The following MEN1 variants were observed in gnomAD, a reference collection of about 807,000 sequenced individuals.
MEN1 encodes the protein menin.
Under a neutral mutation model 58.0 loss-of-function variants are expected in MEN1, and 6 were observed. That is an observed-to-expected ratio of 0.10 (90% confidence interval 0.06 to 0.20). MEN1 has a LOEUF of 0.20. Among genes scored for constraint, MEN1 ranks in the 10% least tolerant of loss-of-function variants. MEN1 has a pLI of 1.00. For missense variants in MEN1, 492 were observed against 818.5 expected (o/e 0.60, Z 4.87); for synonymous variants, 346 against 350.7 (o/e 0.99, Z 0.15).
intron 2 of MEN1, among the ~76,000 whole-genome samples, chr11:64,809,156 C>CT (rs1394790305): frequency 2.0e-5 from 3 of 149,446 alleles, no homozygotes; most frequent in Admixed American, 6.8e-5. Flanking sequence ...CTCAGCTACT[C>CT]AGGAGGCTGA....
At chr11:64,805,943 G>A (rs1565643041) in intron 7 of MEN1, 173 bp from the exon 8 acceptor site, 1 of 719,926 alleles carries the variant, frequency 1.4e-6, no homozygotes, top group Non-Finnish European at 2.4e-6. Context: ...ATGAGGAGGG[G>A]GGCATGGGGC....
chr11:64,810,293 A>AC lies in MEN1; in HGVS notation c.-23-162dup, dbSNP rs1451152601. The AC allele has an allele frequency of 8.9e-5, 54 of 606,886 alleles. No homozygotes were observed. In the East Asian group the frequency reaches 1.5e-3, roughly 17 times the overall value. The allele number at this position is 606,886 out of a possible 1,614,324, so 37.6% of individuals were successfully genotyped here. ...CGGCTTCCCCTCTTTTGTCGGTGAG[A>AC]CCCCTCAGCCGAGACTGCAGAGCCT... On this transcript the variant is annotated intron_variant, in intron 1 of 9. Coordinates refer to ENST00000450708, the MANE Select transcript of MEN1 (RefSeq NM_001370259.2).
chr11:64,804,008 C>T lies in MEN1; in HGVS notation c.*326G>A, dbSNP rs1043117142. 7 of 455,028 alleles carry T rather than the reference C, an allele frequency of 1.5e-5. No individual in the cohort carries two copies. The highest frequency in any genetic ancestry group is 1.4e-4 in the African/African-American group (7 of 51,466). 28.2% of individuals were successfully genotyped at this position (455,028 alleles called of 1,614,324 possible). A position where few individuals can be genotyped will look rare whatever the true frequency, so the allele number is the denominator to read the frequency against. Reference sequence around the variant, plus strand: ...GGAGCCCTGAGTAACGTTGGTCTGGCTCTAGGTGAGCGGTTCCGAGGAGGA... The same window carrying T: ...GGAGCCCTGAGTAACGTTGGTCTGGTTCTAGGTGAGCGGTTCCGAGGAGGA... On this transcript the variant is annotated 3_prime_UTR_variant, in exon 10 of 10. Transcript: ENST00000450708. The surrounding 1 kb of genome is among the most constrained non-coding windows in gnomAD (Gnocchi z 4.2).
Position 64,804,876 on chromosome 11 carries a change from G to A in MEN1, c.1351-60C>T. On this transcript the variant is annotated intron_variant, in intron 9 of 9. Transcript: ENST00000450708. The surrounding 1 kb of genome is among the most constrained non-coding windows in gnomAD (Gnocchi z 4.2). ...TTGCCGGCCAGTGGCTGGAACTCCA[G>A]GACCCTGCTCTGGCCATCCCATCCC... 2 of 1,595,882 alleles carry A rather than the reference G, an allele frequency of 1.3e-6. No homozygotes were observed. The highest frequency in any genetic ancestry group is 1.7e-6 in the Non-Finnish European group (2 of 1,178,426).
In MEN1 at chr11:64,807,869, G is replaced by A. The variant is rs1941845164; in HGVS notation, c.654+22C>T. ...GGCTACTACAGTATGAAGGGGACAA[G>A]GCTGGGGGGAGGGAACAATACCCGC... On this transcript the variant is annotated intron_variant, in intron 3 of 9. Transcript: ENST00000450708. This position sits in a 1 kb window ranked among gnomAD's most constrained non-coding sequence, Gnocchi z 4.9. 6.2e-7 allele frequency: 1 copy of A among 1,613,724 alleles called. No individual in the cohort carries two copies. Among genetic ancestry groups the A allele is most frequent in the Non-Finnish European group, 8.5e-7 (1 of 1,179,756 alleles).
In MEN1 at chr11:64,804,169, G is replaced by C; in HGVS notation, c.*165C>G. ...GGGCAGAGCCCTGGGTTCTGAGCTG[G>C]AGAAAATCGTGGGTTTGATACAGAC... On this transcript the variant is annotated 3_prime_UTR_variant, in exon 10 of 10. Coordinates refer to ENST00000450708, the MANE Select transcript of MEN1 (RefSeq NM_001370259.2). This position sits in a 1 kb window ranked among gnomAD's most constrained non-coding sequence, Gnocchi z 4.2. 1.2e-6 allele frequency: 1 copy of C among 845,970 alleles called. No homozygotes were observed. The highest frequency in any genetic ancestry group is 1.9e-6 in the Non-Finnish European group (1 of 518,442). The allele number at this position is 845,970 out of a possible 1,614,324, so 52.4% of individuals were successfully genotyped here. A position where few individuals can be genotyped will look rare whatever the true frequency, so the allele number is the denominator to read the frequency against.
At position 64,807,620 on chromosome 11, in the gene MEN1, T is replaced by A; in HGVS notation, c.715A>T (p.Met239Leu). Residue 239 changes from methionine (M) to leucine (L), a missense_variant, in exon 4 of 10, where the codon ATG becomes TTG. By Grantham distance (15) the Met-to-Leu change is conservative. Coordinates refer to ENST00000450708, the MANE Select transcript of MEN1 (RefSeq NM_001370259.2). This position sits in a 1 kb window ranked among gnomAD's most constrained non-coding sequence, Gnocchi z 4.9. ...ATGGAAGGGTTGATGGCACACACCATGAACGCCACCTCCATCTTGCGGTCA... is the reference window on the plus strand; with the variant it reads ...ATGGAAGGGTTGATGGCACACACCAAGAACGCCACCTCCATCTTGCGGTCA... ...RCDRKMEVAF[M>L]VCAINPSIDL... 6.2e-7 allele frequency: 1 copy of A among 1,614,168 alleles called. No homozygotes were observed. Among genetic ancestry groups the A allele is most frequent in the Non-Finnish European group, 8.5e-7 (1 of 1,180,034 alleles).
chr11:64,809,283 A>AT (rs34980535), intron 2 of MEN1, among the ~76,000 whole-genome samples: 13 of 150,424 alleles, frequency 8.6e-5, no homozygotes, highest in Admixed American at 6.0e-4. Context: ...AAAAAAAAAA[A>AT]TCTTCATAGC....
Position 64,810,512 on chromosome 11 carries a change from A to C in MEN1, c.-24+2T>G. 1 of 190,964 alleles carries C rather than the reference A, an allele frequency of 5.2e-6. No individual in the cohort carries two copies. The highest frequency in any genetic ancestry group is 1.1e-5 in the Non-Finnish European group (1 of 90,908). 11.8% of individuals were successfully genotyped at this position (190,964 alleles called of 1,614,324 possible). A position where few individuals can be genotyped will look rare whatever the true frequency, so the allele number is the denominator to read the frequency against. On this transcript the variant is annotated splice_donor_variant, in intron 1 of 9. Coordinates refer to ENST00000450708, the MANE Select transcript of MEN1 (RefSeq NM_001370259.2). LOFTEE classifies it low-confidence loss of function (5UTR_SPLICE). The stretch of plus-strand genomic sequence containing the variant: ...GTCCTGGCCTCGGTCCCCCTCGCCC[A>C]CCTCCGCGCTTACATCCCACACTAG...
In MEN1 at chr11:64,804,940, G is replaced by A. The variant is rs1941590956; in HGVS notation, c.1350+94C>T. ...CAGTCCCATCGGCACCCAAGGGGAT[G>A]GGCAGATGCTGCCCCTGGGCCAGAA... On this transcript the variant is annotated intron_variant, in intron 9 of 9. Transcript: ENST00000450708. This position sits in a 1 kb window ranked among gnomAD's most constrained non-coding sequence, Gnocchi z 4.2. 4.4e-6 allele frequency: 7 copies of A among 1,598,798 alleles called. No homozygotes were observed. The Admixed American group carries it at 5.0e-5, about 11-fold the overall frequency.
rs1060499993 is a variant in MEN1, at chr11:64,804,686, G to A, written c.1481C>T (p.Pro494Leu). 11 of 1,594,226 alleles carry A rather than the reference G, an allele frequency of 6.9e-6. No individual in the cohort carries two copies. Among genetic ancestry groups the A allele is most frequent in the South Asian group, 2.2e-5 (2 of 90,518 alleles). The change falls in exon 10 of 10, where the codon CCG becomes CTG. Residue 494 changes from proline to leucine, a missense_variant. Physicochemically the swap from Pro to Leu is moderately conservative, Grantham distance 98. This residue lies in a region of MEN1 where 79 missense variants were observed against 82.5 expected (regional missense o/e 0.96). Coordinates refer to ENST00000450708, the MANE Select transcript of MEN1 (RefSeq NM_001370259.2). This position sits in a 1 kb window ranked among gnomAD's most constrained non-coding sequence, Gnocchi z 4.2. ...CTTGTCCAGTGCTGGCTTCTTGGGC[G>A]GCGGGGGCTCCTCTGGCTTGGACTC... ...RRESKPEEPP[P>L]PKKPALDKGL...
In MEN1 at chr11:64,807,287, C is replaced by G. The variant is rs2136136582; in HGVS notation, c.784-68G>C. ...GAGAACGGGTCCTTAGCCTATCGGG[C>G]AGAGGTGGGGGTCAGAACCAACAGG... is the stretch of plus-strand genomic sequence containing the variant. On this transcript the variant is annotated intron_variant, in intron 4 of 9. Transcript: ENST00000450708. This position sits in a 1 kb window ranked among gnomAD's most constrained non-coding sequence, Gnocchi z 4.9. 6.4e-7 allele frequency: 1 copy of G among 1,556,964 alleles called. No homozygotes were observed. Among genetic ancestry groups the G allele is most frequent in the Non-Finnish European group, 8.7e-7 (1 of 1,146,856 alleles).
Position 64,804,618 on chromosome 11 carries a change from T to C in MEN1, c.1549A>G (p.Lys517Glu), listed in dbSNP as rs794728630. 1.2e-6 allele frequency: 2 copies of C among 1,608,276 alleles called. No homozygotes were observed. The highest frequency in any genetic ancestry group is 1.3e-5 in the African/African-American group (1 of 74,990). The change falls in exon 10 of 10, where the codon AAG becomes GAG. Residue 517 changes from lysine to glutamate, a missense_variant. Physicochemically the swap from Lys to Glu is moderately conservative, Grantham distance 56. Transcript: ENST00000450708. The surrounding 1 kb of genome is among the most constrained non-coding windows in gnomAD (Gnocchi z 4.2). Reference sequence around the variant, plus strand: ...GTGCCAGCGACAGTCCCAGGAGGCTTCCGGGGGGGTCCTGACACTGCACCC... The same window carrying C: ...GTGCCAGCGACAGTCCCAGGAGGCTCCCGGGGGGGTCCTGACACTGCACCC... Reference protein sequence around the residue: ...GQGAVSGPPRKPPGTVAGTAR... With the variant: ...GQGAVSGPPREPPGTVAGTAR...
rs1060503796 is a variant in MEN1, at chr11:64,806,261, G to T, written c.1020C>A (p.Ala340=). 2 of 1,614,098 alleles carry T rather than the reference G, an allele frequency of 1.2e-6. No homozygotes were observed. The highest frequency in any genetic ancestry group is 1.7e-6 in the Non-Finnish European group (2 of 1,180,016). ...RNRNVREALQ[A]WADTATVIQD... ...GGATGACAGTGGCCGTGTCCGCCCA[G>T]GCCTGCAGGGCTTCCCGCACATTGC... is the stretch of plus-strand genomic sequence containing the variant. The change falls in exon 7 of 10, where the codon GCC becomes GCA. Residue 340 remains alanine, a synonymous_variant. Coordinates refer to ENST00000450708, the MANE Select transcript of MEN1 (RefSeq NM_001370259.2).
Position 64,807,144 on chromosome 11 carries a change from C to T in MEN1, c.824+35G>A, listed in dbSNP as rs956257806. ...AGGCTGCCACCCAGCCCCCCGGCCT[C>T]ACCAGGCGCAGCCTGGCCACTTCCC... On this transcript the variant is annotated intron_variant, in intron 5 of 9. Coordinates refer to ENST00000450708, the MANE Select transcript of MEN1 (RefSeq NM_001370259.2). This position sits in a 1 kb window ranked among gnomAD's most constrained non-coding sequence, Gnocchi z 4.9. 4.2e-5 allele frequency: 68 copies of T among 1,613,896 alleles called. No homozygotes were observed. Among genetic ancestry groups the T allele is most frequent in the Non-Finnish European group, 5.8e-5 (68 of 1,179,904 alleles).
At chr11:64,810,407 C>G (rs1942052419) in intron 1 of MEN1, 107 bp downstream of exon 1, 4 of 482,162 alleles carry the variant, frequency 8.3e-6, no homozygotes, top group Non-Finnish European at 1.1e-5. Flanking sequence ...CGCCCCGCCC[C>G]CTCTCTACGA....
In MEN1 at chr11:64,803,918, C is replaced by T. The variant is rs933961932; in HGVS notation, c.*416G>A. On this transcript the variant is annotated 3_prime_UTR_variant, in exon 10 of 10. Coordinates refer to ENST00000450708, the MANE Select transcript of MEN1 (RefSeq NM_001370259.2). The stretch of plus-strand genomic sequence containing the variant: ...TAGGGGCTGAGTGGTCCTAGGCTCC[C>T]GGGCTGGAGGTGGGACCTGTGCTCC... 6 of 334,640 alleles carry T rather than the reference C, an allele frequency of 1.8e-5. No individual in the cohort carries two copies. In the South Asian group the frequency reaches 2.6e-4, roughly 15 times the overall value. 20.7% of individuals were successfully genotyped at this position (334,640 alleles called of 1,614,324 possible). A position where few individuals can be genotyped will look rare whatever the true frequency, so the allele number is the denominator to read the frequency against.
At position 64,804,496 on chromosome 11, in the gene MEN1, C is replaced by T; in HGVS notation, c.1671G>A (p.Lys557=). 1.2e-6 allele frequency: 2 copies of T among 1,614,188 alleles called. No homozygotes were observed. Among genetic ancestry groups the T allele is most frequent in the Non-Finnish European group, 1.7e-6 (2 of 1,180,028 alleles). ...EGPVLTFQSE[K]MKGMKELLVA... ...CCAGCAGCTCCTTCATGCCCTTCATCTTCTCACTCTGGAAAGTGAGCACTG... is the reference window on the plus strand; with the variant it reads ...CCAGCAGCTCCTTCATGCCCTTCATTTTCTCACTCTGGAAAGTGAGCACTG... The change falls in exon 10 of 10, where the codon AAG becomes AAA. Residue 557 remains lysine, a synonymous_variant. Transcript: ENST00000450708. The surrounding 1 kb of genome is among the most constrained non-coding windows in gnomAD (Gnocchi z 4.2).
intron 1 of MEN1, 54 bp from the exon 2 acceptor site, chr11:64,810,186 C>T: frequency 8.5e-7 from 1 of 1,170,156 alleles, no homozygotes; most frequent in Non-Finnish European, 1.2e-6. Flanking sequence ...GGGGAGCCTC[C>T]TCCCAGGGTC....
Sources: gnomAD v4.1 joint callset for allele counts (sites outside exome capture counted in the v4.1 genomes callset) on GRCh38, gnomAD v4.1.1 for gene constraint, gnomAD v4.1.1 regional missense constraint, Gnocchi (gnomAD v3.1) non-coding constraint, MANE v1.5 for transcripts, NCBI Gene and HGNC (gene_info 2026-07-23, HGNC 2026-07-21) for gene names.